MTFR1: variants seen among roughly 807,000 people sequenced by gnomAD.
MTFR1 encodes the protein mitochondrial fission regulator 1.
A neutral mutation model predicts 38.8 loss-of-function variants in MTFR1; 28 were observed. The ratio of observed to expected loss-of-function variants is 0.72; its 90% CI spans 0.53 to 0.99. The LOEUF is 0.99. Among genes scored for constraint, MTFR1 ranks in the 50% least tolerant of loss-of-function variants. The pLI, the probability that MTFR1 is intolerant of heterozygous loss-of-function variation, is 0.00. For missense variants in MTFR1, 358 were observed against 395.5 expected, an observed-to-expected ratio of 0.91 and a Z score of 0.81; for synonymous variants, 145 against 137.0, an observed-to-expected ratio of 1.06 and a Z score of -0.41.
rs367992994 is a variant in MTFR1, at chr8:65,693,641, C to A, written c.166-3C>A. 152 of 1,612,334 alleles carry A rather than the reference C, an allele frequency of 9.4e-5. No individual in the cohort carries two copies. Among genetic ancestry groups the A allele is most frequent in the Non-Finnish European group, 1.2e-4 (143 of 1,178,658 alleles). On this transcript the variant is annotated splice_polypyrimidine_tract_variant and splice_region_variant and intron_variant, in intron 3 of 7. Coordinates refer to ENST00000262146, the MANE Select transcript of MTFR1 (RefSeq NM_014637.4). Reference sequence around the variant, plus strand: ...AAGAACTTTCCCTATTTATAACTTACAGATTAACAGCCATGCAACAGAATG... The same window carrying A: ...AAGAACTTTCCCTATTTATAACTTAAAGATTAACAGCCATGCAACAGAATG...
chr8:65,681,057 C>T (rs375331396), intron 2 of MTFR1, among the ~76,000 whole-genome samples: 4 of 151,682 alleles, frequency 2.6e-5, no homozygotes, highest in South Asian at 2.1e-4. Flanking sequence ...GGACTACAGG[C>T]GCCCGCCACC....
intron 2 of MTFR1, chr8:65,719,340 C>A: frequency 6.2e-7 from 1 of 1,614,112 alleles, no homozygotes; most frequent in Non-Finnish European, 8.5e-7. Flanking sequence ...AACTCAAATG[C>A]AGCATCAGTG....
In MTFR1 at chr8:65,692,892, CT is replaced by C. The variant is rs569732080; in HGVS notation, c.166-737del. 3.6e-3 allele frequency among the ~76,000 whole-genome samples: 482 copies of C among 133,046 alleles called. 1 individual carries two copies. Among genetic ancestry groups the C allele is most frequent in the Middle Eastern group, 0.012 (3 of 256 alleles). 87.3% of individuals were successfully genotyped at this position (133,046 alleles called of 152,430 possible). A position where few individuals can be genotyped will look rare whatever the true frequency, so the allele number is the denominator to read the frequency against. On this transcript the variant is annotated intron_variant, in intron 3 of 7. Coordinates refer to ENST00000262146, the MANE Select transcript of MTFR1 (RefSeq NM_014637.4). ...AGCTCAAGTTGGTCTTTTGCTTGTT[CT>C]TTTTTTTTTTTTTTACCCCCGAGAC...
intron 3 of MTFR1, chr8:65,689,689 A>G: frequency 1.2e-6 from 1 of 864,578 alleles, no homozygotes; most frequent in Non-Finnish European, 1.6e-6. Context: ...AGTCCTTGCC[A>G]GGGCTGACTT....
At chr8:65,723,963 A>G (rs1274123858) in intron 3 of MTFR1, among the ~76,000 whole-genome samples, 1 of 152,166 alleles carries the variant, frequency 6.6e-6, no homozygotes. Context: ...CCCTCCACAC[A>G]CGACAAGGAT....
intron 4 of MTFR1, among the ~76,000 whole-genome samples, chr8:65,702,276 GTTTCT>G (rs1174410186): frequency 1.7e-5 from 2 of 117,848 alleles, no homozygotes; most frequent in Non-Finnish European, 4.0e-5. Flanking sequence ...TCTTTTCTTT[GTTTCT>G]TTTCTTTCTT....
chr8:65,725,812 C>T (rs1278828904), intron 3 of MTFR1, among the ~76,000 whole-genome samples: 2 of 151,992 alleles, frequency 1.3e-5, no homozygotes, highest in Non-Finnish European at 2.9e-5. Flanking sequence ...AAATGAAAAA[C>T]ATGATTTTTA....
intron 3 of MTFR1, among the ~76,000 whole-genome samples, chr8:65,733,652 T>C (rs1476699931): frequency 6.6e-6 from 1 of 152,006 alleles, no homozygotes; most frequent in African/African-American, 2.4e-5. Flanking sequence ...TGGTTGGGAG[T>C]ATACATTTGT....
At chr8:65,771,812 C>G (rs998048005), downstream of MTFR1, among the ~76,000 whole-genome samples, 2 of 142,528 alleles carry the variant, frequency 1.4e-5, no homozygotes, top group Non-Finnish European at 3.0e-5. Context: ...AAGGTGGAGG[C>G]TGCAGTGAGC....
At chr8:65,686,648 C>T (rs980673926) in intron 3 of MTFR1, among the ~76,000 whole-genome samples, 2 of 148,290 alleles carry the variant, frequency 1.3e-5, no homozygotes, top group East Asian at 2.0e-4. Flanking sequence ...TGGCTGGGCA[C>T]GGGGTGGCTC....
intron 1 of MTFR1, among the ~76,000 whole-genome samples, chr8:65,668,491 A>G (rs368780875): frequency 2.0e-5 from 3 of 150,008 alleles, no homozygotes; most frequent in East Asian, 2.0e-4. Context: ...CCCAGCCTTT[A>G]AGGAAGATTT....
At chr8:65,739,597 C>T (rs1807315469) in intron 3 of MTFR1, 1 of 1,508,752 alleles carries the variant, frequency 6.6e-7, no homozygotes, top group African/African-American at 1.4e-5. Context: ...TAGACTATTT[C>T]CTAAAAAGAA....
chr8:65,655,534 A>ACAGAT, intron 1 of MTFR1, among the ~76,000 whole-genome samples: 1 of 152,322 alleles, frequency 6.6e-6, no homozygotes, highest in Admixed American at 6.5e-5. Context: ...AATTGTACCC[A>ACAGAT]CAGATTGAAT....
intron 2 of MTFR1, among the ~76,000 whole-genome samples, chr8:65,716,015 A>G (rs1004770765): frequency 6.8e-6 from 1 of 147,646 alleles, no homozygotes; most frequent in Non-Finnish European, 1.5e-5. Context: ...AAAAAAAAAA[A>G]AAAAAAAAAA....
At chr8:65,712,345 G>A (rs539441471), downstream of MTFR1, among the ~76,000 whole-genome samples, 2 of 152,288 alleles carry the variant, frequency 1.3e-5, no homozygotes, top group East Asian at 1.9e-4. Context: ...CAAGGGGCAC[G>A]CCTGGTAATG....
At chr8:65,719,296 T>G in intron 2 of MTFR1, 1 of 1,612,644 alleles carries the variant, frequency 6.2e-7, no homozygotes, top group Non-Finnish European at 8.5e-7. Flanking sequence ...GGGGTTATGA[T>G]AACCGATTTT....
intron 3 of MTFR1, among the ~76,000 whole-genome samples, chr8:65,759,958 A>G (rs80050073): frequency 0.039 from 5,986 of 152,114 alleles, 172 homozygotes; most frequent in Non-Finnish European, 0.06. Flanking sequence ...AGAATTTATC[A>G]GCTGAGCACG....
At chr8:65,757,777 C>G (rs1212283717) in intron 3 of MTFR1, among the ~76,000 whole-genome samples, 3 of 152,100 alleles carry the variant, frequency 2.0e-5, no homozygotes, top group Non-Finnish European at 4.4e-5. Context: ...TGCCACCACG[C>G]CCGGCTAACT....
chr8:65,742,860 T>G (rs1466764342), intron 3 of MTFR1, among the ~76,000 whole-genome samples: 1 of 152,158 alleles, frequency 6.6e-6, no homozygotes. Flanking sequence ...GAATGAACCC[T>G]AAGGGGAAAC....
Sources: allele counts gnomAD v4.1 joint callset (sites outside exome capture counted in the v4.1 genomes callset), GRCh38; gene constraint gnomAD v4.1.1; transcripts MANE v1.5; gene names NCBI Gene and HGNC (gene_info 2026-07-23, HGNC 2026-07-21).